PHF19: variants seen among roughly 807,000 people sequenced by gnomAD.
PHF19 encodes the protein PHD finger protein 19.
Under a neutral mutation model 79.8 loss-of-function variants are expected in PHF19, and 21 were observed. The ratio of observed to expected loss-of-function variants is 0.26; its 90% CI spans 0.19 to 0.38. PHF19 has a LOEUF of 0.38. Ranked by LOEUF, PHF19 falls within the 10% of genes least tolerant of loss-of-function variation. The pLI, the probability that PHF19 is intolerant of heterozygous loss-of-function variation, is 1.00. For synonymous variants in PHF19, 273 were observed against 296.3 expected (o/e 0.92, Z 0.81); for missense variants, 445 against 744.2 (o/e 0.60, Z 4.68).
chr9:120,872,454 C>T (rs1272398929), intron 3 of PHF19, among the ~76,000 whole-genome samples: 4 of 152,224 alleles, frequency 2.6e-5, no homozygotes, highest in Non-Finnish European at 5.9e-5. Flanking sequence ...CTCCATCTGG[C>T]TCCTTATGCT....
the PHF19 span, chr9:120,903,643 TG>T: frequency 1.3e-5 from 2 of 152,416 alleles, no homozygotes; most frequent in Admixed American, 1.3e-4. Context: ...TTTGGAAAGT[TG>T]GGTGTGGCCT....
upstream of PHF19, among the ~76,000 whole-genome samples, chr9:120,897,173 A>G (rs1053198100): frequency 1.3e-5 from 2 of 152,232 alleles, no homozygotes; most frequent in African/African-American, 4.8e-5. Context: ...GAGCCTCACA[A>G]TCGAGTTCTC....
intron 1 of PHF19, among the ~76,000 whole-genome samples, chr9:120,894,572 G>A (rs1473208391): frequency 6.6e-6 from 1 of 152,022 alleles, no homozygotes; most frequent in Non-Finnish European, 1.5e-5. Flanking sequence ...AGGCCGCGGC[G>A]GGAGGCCCCT....
In PHF19 at chr9:120,891,176, C is replaced by A. The variant is rs183305931; in HGVS notation, c.42+3612G>T. Among the ~76,000 whole-genome samples, 1 of 152,132 alleles carries A rather than the reference C, an allele frequency of 6.6e-6. No individual in the cohort carries two copies. The highest frequency in any genetic ancestry group is 1.5e-5 in the Non-Finnish European group (1 of 68,028). On this transcript the variant is annotated intron_variant, in intron 1 of 14. Coordinates refer to the PHF19 transcript ENST00000616568. This position sits in a 1 kb window ranked among gnomAD's most constrained non-coding sequence, Gnocchi z 4.3. ...AGGTATCCCTGCTCATGCCCCAGAG[C>A]GCCTGGGTTTCTGCTCATCACAGTT...
In PHF19 at chr9:120,855,726, G is replaced by A. The variant is rs2045349614; in HGVS notation, c.*2218C>T. On this transcript the variant is annotated 3_prime_UTR_variant, in exon 15 of 15. Coordinates refer to ENST00000373896, the MANE Select transcript of PHF19 (RefSeq NM_015651.3). ...ACTTTAACAAATGTTATTAAAAGCA[G>A]CAATTAAAAACCATGAATCTTTTTG... 1 of 152,628 alleles carries A rather than the reference G, an allele frequency of 6.6e-6. No individual in the cohort carries two copies. Among genetic ancestry groups the A allele is most frequent in the African/African-American group, 2.4e-5 (1 of 41,446 alleles). 9.5% of individuals were successfully genotyped at this position (152,628 alleles called of 1,614,324 possible).
chr9:120,870,590 T>G lies in PHF19; in HGVS notation c.269-52A>C, dbSNP rs1308566430. Reference sequence around the variant, plus strand: ...GTCCAGCTCACAGGAATGGAAGTTTTATACTCACATTCCAGATGCCCAGCC... The same window carrying G: ...GTCCAGCTCACAGGAATGGAAGTTTGATACTCACATTCCAGATGCCCAGCC... On this transcript the variant is annotated intron_variant, in intron 3 of 14. Transcript: ENST00000373896. This position sits in a 1 kb window ranked among gnomAD's most constrained non-coding sequence, Gnocchi z 4.4. 9.5e-7 allele frequency: 1 copy of G among 1,049,538 alleles called. No homozygotes were observed. Among genetic ancestry groups the G allele is most frequent in the Admixed American group, 1.7e-5 (1 of 59,034 alleles). 65.0% of individuals were successfully genotyped at this position (1,049,538 alleles called of 1,614,324 possible).
intron 1 of PHF19, among the ~76,000 whole-genome samples, chr9:120,892,555 C>T (rs951562611): frequency 1.3e-5 from 2 of 152,114 alleles, no homozygotes; most frequent in African/African-American, 2.4e-5. Context: ...CACTGAATTG[C>T]GTGGGATCAA....
chr9:120,883,188 C>T (rs2046213048), intron 1 of PHF19, among the ~76,000 whole-genome samples: 1 of 152,174 alleles, frequency 6.6e-6, no homozygotes, highest in African/African-American at 2.4e-5. Flanking sequence ...AGAAGTCTGC[C>T]TGCCTTCTCT....
chr9:120,858,077 G>A lies in PHF19; in HGVS notation c.1610C>T (p.Ser537Leu), dbSNP rs1262152926. The change falls in exon 15 of 15, where the codon TCA becomes TTA. Residue 537 changes from serine to leucine, a missense_variant. Physicochemically the swap from Ser to Leu is moderately radical, Grantham distance 145. Coordinates refer to ENST00000373896, the MANE Select transcript of PHF19 (RefSeq NM_015651.3). ...TGCACCAAAGTAGTTGGTGATAGAT[G>A]ACTTGAGGTGGGACAGGGATGAGTC... ...EDDSSLSHLK[S>L]SITNYFGAAG... 6.2e-7 allele frequency: 1 copy of A among 1,614,162 alleles called. No homozygotes were observed. Among genetic ancestry groups the A allele is most frequent in the Non-Finnish European group, 8.5e-7 (1 of 1,179,986 alleles).
intron 1 of PHF19, among the ~76,000 whole-genome samples, chr9:120,889,834 AAAAG>A (rs772115029): frequency 0.011 from 1,601 of 152,260 alleles, 16 homozygotes; most frequent in Non-Finnish European, 0.013. Context: ...GAGAAAAAGA[AAAAG>A]AAAGAACTAA....
At chr9:120,896,843 C>T (rs1449403666), upstream of PHF19, among the ~76,000 whole-genome samples, 1 of 152,226 alleles carries the variant, frequency 6.6e-6, no homozygotes, top group Non-Finnish European at 1.5e-5. Context: ...TACTTATCCA[C>T]CTCCTTCCAA....
rs2045694997 is a variant in PHF19 at position 120,866,190 on chromosome 9, T to C, written c.711-94A>G. The C allele has an allele frequency of 1.1e-6, 1 of 912,880 alleles. No individual in the cohort carries two copies. Among genetic ancestry groups the C allele is most frequent in the South Asian group, 1.3e-5 (1 of 75,786 alleles). 56.5% of individuals were successfully genotyped at this position (912,880 alleles called of 1,614,324 possible). ...TTGATCTCCTCATTCCCCACCTACCTTCCCATAATCTTCTCACTCCTAGGA... is the reference window on the plus strand; with the variant it reads ...TTGATCTCCTCATTCCCCACCTACCCTCCCATAATCTTCTCACTCCTAGGA... On this transcript the variant is annotated intron_variant, in intron 7 of 14. Transcript: ENST00000373896. This position sits in a 1 kb window ranked among gnomAD's most constrained non-coding sequence, Gnocchi z 5.2.
At chr9:120,897,974 G>C (rs1179410565), upstream of PHF19, among the ~76,000 whole-genome samples, 2 of 70,146 alleles carry the variant, frequency 2.9e-5, no homozygotes, top group African/African-American at 7.4e-5. Context: ...GTGAGACCCC[G>C]TCTCAAAAAA....
In PHF19 at chr9:120,873,998, T is replaced by TAG; in HGVS notation, c.247_248dup (p.Trp84TyrfsTer21). 6.2e-7 allele frequency: 1 copy of TAG among 1,600,878 alleles called. No homozygotes were observed. Among genetic ancestry groups the TAG allele is most frequent in the Non-Finnish European group, 8.6e-7 (1 of 1,168,374 alleles). On this transcript the variant is annotated frameshift_variant, in exon 3 of 15. Transcript: ENST00000373896. LOFTEE classifies it high-confidence loss of function. ...ACTCACCATGCTGTATGTCCTTCCATAGGACCCAGTATTTGGAATTATCTT... is the reference window on the plus strand; with the variant it reads ...ACTCACCATGCTGTATGTCCTTCCATAGAGGACCCAGTATTTGGAATTATCTT...
chr9:120,893,098 G>A (rs1020852628), intron 1 of PHF19, among the ~76,000 whole-genome samples: 7 of 152,220 alleles, frequency 4.6e-5, no homozygotes, highest in African/African-American at 1.7e-4. Context: ...ATGATGTAAA[G>A]TGCCTAGCAT....
chr9:120,887,064 TA>T (rs767884631), intron 1 of PHF19, among the ~76,000 whole-genome samples: 62 of 71,284 alleles, frequency 8.7e-4, no homozygotes, highest in Middle Eastern at 8.9e-3. Flanking sequence ...AGACTCTGTC[TA>T]AAAAAAAAAA....
chr9:120,869,430 G>C lies in PHF19; in HGVS notation c.466-100C>G. 7.1e-7 allele frequency: 1 copy of C among 1,401,542 alleles called. No homozygotes were observed. The highest frequency in any genetic ancestry group is 2.4e-5 in the East Asian group (1 of 41,398). The allele number at this position is 1,401,542 out of a possible 1,614,324, so 86.8% of individuals were successfully genotyped here. ...GAGGGAAGTGCTGCCAGGGCTTGGGGGACCCGCAGATATTCCAATATAGTC... is the reference window on the plus strand; with the variant it reads ...GAGGGAAGTGCTGCCAGGGCTTGGGCGACCCGCAGATATTCCAATATAGTC... On this transcript the variant is annotated intron_variant, in intron 5 of 14. Transcript: ENST00000373896. The surrounding 1 kb of genome is among the most constrained non-coding windows in gnomAD (Gnocchi z 5.8).
upstream of PHF19, among the ~76,000 whole-genome samples, chr9:120,898,504 C>T (rs1206365119): frequency 1.3e-5 from 2 of 152,208 alleles, no homozygotes; most frequent in East Asian, 1.9e-4. Flanking sequence ...GCAAGAAAAG[C>T]GTATGCTCAA....
chr9:120,868,017 GC>G (rs2045755321), intron 6 of PHF19, among the ~76,000 whole-genome samples: 1 of 152,070 alleles, frequency 6.6e-6, no homozygotes, highest in Admixed American at 6.5e-5. Context: ...GACATAGCAT[GC>G]CCCGCCCCCC....
Sources: gnomAD v4.1 joint callset for allele counts (sites outside exome capture counted in the v4.1 genomes callset) on GRCh38, gnomAD v4.1.1 for gene constraint, Gnocchi (gnomAD v3.1) non-coding constraint, MANE v1.5 for transcripts, NCBI Gene and HGNC (gene_info 2026-07-23, HGNC 2026-07-21) for gene names.